AGAP1: variants seen among roughly 807,000 people sequenced by gnomAD.
The protein encoded by AGAP1 is arf-GAP with GTPase, ANK repeat and PH domain-containing protein 1.
In AGAP1, 29 loss-of-function variants were observed where a neutral mutation model predicts 105.3. That is an observed-to-expected ratio of 0.28 (90% confidence interval 0.21 to 0.38). The LOEUF is 0.38. AGAP1 is among the 10% of genes least tolerant of loss of function. The probability of loss-of-function intolerance (pLI) is 1.00; values close to 1 mark genes in which losing one functional copy is unlikely to be tolerated. For synonymous variants in AGAP1, 509 were observed against 485.9 expected, an observed-to-expected ratio of 1.05 and a Z score of -0.63; for missense variants, 998 against 1,165.1, an observed-to-expected ratio of 0.86 and a Z score of 2.09.
rs747372651 is a variant in AGAP1 at position 236,120,349 on chromosome 2, G to A, written c.2272G>A (p.Asp758Asn). ...CCTGCTGCTGGCACACGGCTCCCGG[G>A]ACGAGGTGAACGAGACCTGCGGGGA... ...AILLLAHGSR[D>N]EVNETCGEGD... The change falls in exon 17 of 18, where the codon GAC (aspartate) becomes AAC (asparagine). Residue 758 changes from aspartate (D) to asparagine (N), a missense_variant. Around this residue, in one of 3 missense-constraint regions of AGAP1, gnomAD observed 235 missense variants for 270.7 expected, o/e 0.87. Transcript: ENST00000304032. This position sits in a 1 kb window ranked among gnomAD's most constrained non-coding sequence, Gnocchi z 6.0. The A allele has an allele frequency of 1.2e-6, 2 of 1,612,064 alleles. No homozygotes were observed. Among genetic ancestry groups the A allele is most frequent in the East Asian group, 4.5e-5 (2 of 44,860 alleles).
intron 1 of AGAP1, among the ~76,000 whole-genome samples, chr2:235,590,005 C>G (rs1354071586): frequency 1.3e-5 from 2 of 152,074 alleles, no homozygotes; most frequent in African/African-American, 4.8e-5. Flanking sequence ...CTCAGCCTCC[C>G]TGGTAGCTGG....
intron 16 of AGAP1, among the ~76,000 whole-genome samples, chr2:236,100,213 A>G (rs1336027395): frequency 6.6e-6 from 1 of 152,144 alleles, no homozygotes; most frequent in Non-Finnish European, 1.5e-5. Context: ...CTCACCAAGA[A>G]GCTCAGCAGA....
Position 235,635,663 on chromosome 2 carries a change from C to T in AGAP1, c.164-73516C>T, listed in dbSNP as rs1042547827. Among the ~76,000 whole-genome samples, 1 of 152,014 alleles carries T rather than the reference C, an allele frequency of 6.6e-6. No individual in the cohort carries two copies. Among genetic ancestry groups the T allele is most frequent in the Non-Finnish European group, 1.5e-5 (1 of 68,010 alleles). On this transcript the variant is annotated intron_variant, in intron 1 of 17. Coordinates refer to ENST00000304032, the MANE Select transcript of AGAP1 (RefSeq NM_001037131.3). This position sits in a 1 kb window ranked among gnomAD's most constrained non-coding sequence, Gnocchi z 5.3. ...ATCAGAGTTAGCCATGGCACCTTCT[C>T]CAAAGCTGCCTCGCTCCTGCACTGA...
chr2:235,541,723 T>G (rs967149143), intron 1 of AGAP1, among the ~76,000 whole-genome samples: 1 of 152,202 alleles, frequency 6.6e-6, no homozygotes, highest in Non-Finnish European at 1.5e-5. Flanking sequence ...CATATTTGTA[T>G]CTATATCTGA....
chr2:236,083,377 T>C lies in AGAP1; in HGVS notation c.2114+34096T>C, dbSNP rs2058839615. Among the ~76,000 whole-genome samples, 1 of 152,230 alleles carries C rather than the reference T, an allele frequency of 6.6e-6. No individual in the cohort carries two copies. Among genetic ancestry groups the C allele is most frequent in the Admixed American group, 6.5e-5 (1 of 15,290 alleles). On this transcript the variant is annotated intron_variant, in intron 16 of 17. Transcript: ENST00000304032. This position sits in a 1 kb window ranked among gnomAD's most constrained non-coding sequence, Gnocchi z 5.3. ...GACATTGTGGCTTTGGAGGCTGATA[T>C]TTTCTCTAAAGGAAAGATTAAAGGA...
chr2:235,617,825 A>G (rs1385915867), intron 1 of AGAP1, among the ~76,000 whole-genome samples: 1 of 152,166 alleles, frequency 6.6e-6, no homozygotes, highest in African/African-American at 2.4e-5. Context: ...AAACACTCCA[A>G]ATTCAGATTT....
chr2:235,755,602 A>G (rs1226675720), intron 6 of AGAP1, among the ~76,000 whole-genome samples: 13 of 152,194 alleles, frequency 8.5e-5, no homozygotes, highest in African/African-American at 3.1e-4. Context: ...CATCATGCCC[A>G]GCTACTTTTT....
Position 235,927,902 on chromosome 2 carries a change from G to A in AGAP1, c.1325-2863G>A, listed in dbSNP as rs1231006619. Reference sequence around the variant, plus strand: ...TTTTTCAGGTATTTGGACCTTGTGTGCCTAAAGCTGGTATAAAATGAGGTC... The same window carrying A: ...TTTTTCAGGTATTTGGACCTTGTGTACCTAAAGCTGGTATAAAATGAGGTC... On this transcript the variant is annotated intron_variant, in intron 11 of 17. Transcript: ENST00000304032. This position sits in a 1 kb window ranked among gnomAD's most constrained non-coding sequence, Gnocchi z 4.4. 1.3e-5 allele frequency among the ~76,000 whole-genome samples: 2 copies of A among 152,206 alleles called. No individual in the cohort carries two copies. The highest frequency in any genetic ancestry group is 2.9e-5 in the Non-Finnish European group (2 of 68,036).
At chr2:236,106,035 A>G (rs866091601) in intron 16 of AGAP1, among the ~76,000 whole-genome samples, 2 of 152,174 alleles carry the variant, frequency 1.3e-5, no homozygotes, top group Non-Finnish European at 2.9e-5. Context: ...TTTCCGGAGC[A>G]CACACACACC....
intron 8 of AGAP1, among the ~76,000 whole-genome samples, chr2:235,800,068 T>C (rs974170162): frequency 2.0e-5 from 3 of 151,776 alleles, no homozygotes; most frequent in African/African-American, 7.3e-5. Flanking sequence ...GGTTTATAAA[T>C]TCACAATCTG....
intron 9 of AGAP1, among the ~76,000 whole-genome samples, chr2:235,868,145 AGC>A (rs562053789): frequency 1.6e-3 from 247 of 151,472 alleles, no homozygotes; most frequent in African/African-American, 5.1e-3. Flanking sequence ...ACACTAAATG[AGC>A]TATTAACAAT....
rs1957479840 is a variant in AGAP1, at chr2:235,801,221, G to C, written c.957+1699G>C. On this transcript the variant is annotated intron_variant, in intron 8 of 17. Coordinates refer to ENST00000304032, the MANE Select transcript of AGAP1 (RefSeq NM_001037131.3). This position sits in a 1 kb window ranked among gnomAD's most constrained non-coding sequence, Gnocchi z 6.0. ...CCAAGCTCCCATCCCGGCCTCCGCT[G>C]CTGACGGATGTTTGACCTTAGGCAA... Among the ~76,000 whole-genome samples the C allele has an allele frequency of 6.6e-6, 1 of 152,026 alleles. No homozygotes were observed. The highest frequency in any genetic ancestry group is 1.5e-5 in the Non-Finnish European group (1 of 68,022).
At chr2:236,043,939 C>T (rs1053353822) in intron 15 of AGAP1, among the ~76,000 whole-genome samples, 3 of 152,014 alleles carry the variant, frequency 2.0e-5, no homozygotes, top group African/African-American at 4.8e-5. Flanking sequence ...TTTCATGCAG[C>T]GTGGAATTTG....
At chr2:235,848,613 T>C (rs1448820588) in intron 9 of AGAP1, among the ~76,000 whole-genome samples, 1 of 152,226 alleles carries the variant, frequency 6.6e-6, no homozygotes, top group Non-Finnish European at 1.5e-5. Flanking sequence ...TTTAGTTTGC[T>C]CGGAAGGTAC....
chr2:235,521,708 T>C (rs1459055972), intron 1 of AGAP1, among the ~76,000 whole-genome samples: 1 of 150,540 alleles, frequency 6.6e-6, no homozygotes, highest in African/African-American at 2.5e-5. Flanking sequence ...GACGTTGGGA[T>C]CGATCCAGTT....
In AGAP1 at chr2:235,724,251, G is replaced by A. The variant is rs1105504; in HGVS notation, c.310+6607G>A. Among the ~76,000 whole-genome samples the A allele has an allele frequency of 7.0e-3, 1,072 of 152,310 alleles. 9 individuals carry two copies. Among genetic ancestry groups the A allele is most frequent in the African/African-American group, 0.024 (1,008 of 41,564 alleles). On this transcript the variant is annotated intron_variant, in intron 3 of 17. Transcript: ENST00000304032. The surrounding 1 kb of genome is among the most constrained non-coding windows in gnomAD (Gnocchi z 4.9). The stretch of plus-strand genomic sequence containing the variant: ...GCCAACAGCCAGCGAGCTCCTGGCC[G>A]GGAGCCTGGTAATGGGGATGGCTGG...
intron 1 of AGAP1, among the ~76,000 whole-genome samples, chr2:235,528,602 G>A (rs368705379): frequency 9.5e-4 from 144 of 152,236 alleles, no homozygotes; most frequent in African/African-American, 3.2e-3. Flanking sequence ...TGTTTGCTCC[G>A]CTTGTTTCAT....
rs1000287100 is a variant in AGAP1 at position 235,951,206 on chromosome 2, A to G, written c.1484-17256A>G. On this transcript the variant is annotated intron_variant, in intron 12 of 17. Transcript: ENST00000304032. This position sits in a 1 kb window ranked among gnomAD's most constrained non-coding sequence, Gnocchi z 4.2. ...CTGCTTTGAAAGGCTGTGCTTTAGA[A>G]GACACTTCCGACTTTGATCTGCAGT... Among the ~76,000 whole-genome samples, 1 of 152,214 alleles carries G rather than the reference A, an allele frequency of 6.6e-6. No individual in the cohort carries two copies. Among genetic ancestry groups the G allele is most frequent in the Admixed American group, 6.5e-5 (1 of 15,282 alleles).
intron 9 of AGAP1, among the ~76,000 whole-genome samples, chr2:235,810,064 A>G (rs1435428575): frequency 1.3e-5 from 2 of 152,178 alleles, no homozygotes; most frequent in Admixed American, 6.5e-5. Context: ...TCCACTGCCC[A>G]TTGATGAAAA....
Sources: allele counts gnomAD v4.1 joint callset (sites outside exome capture counted in the v4.1 genomes callset), GRCh38; gene constraint gnomAD v4.1.1; regional missense constraint gnomAD v4.1.1; non-coding constraint Gnocchi (gnomAD v3.1); transcripts MANE v1.5; gene names NCBI Gene and HGNC (gene_info 2026-07-23, HGNC 2026-07-21).